MACROD2: variants seen among roughly 807,000 people sequenced by gnomAD.
The protein encoded by MACROD2 is ADP-ribose glycohydrolase MACROD2.
In MACROD2, 36 loss-of-function variants were observed where a neutral mutation model predicts 70.4. That is an observed-to-expected ratio of 0.51 (90% CI 0.39 to 0.68). The LOEUF is 0.68. Ranked by LOEUF, MACROD2 falls within the 30% of genes least tolerant of loss-of-function variation. MACROD2 has a pLI of 0.00. For missense variants in MACROD2, 496 were observed against 538.4 expected (o/e 0.92, Z 0.78); for synonymous variants, 172 against 178.8 (o/e 0.96, Z 0.30).
chr20:15,200,622 T>G (rs537605732), intron 5 of MACROD2, among the ~76,000 whole-genome samples: 2 of 152,318 alleles, frequency 1.3e-5, no homozygotes, highest in South Asian at 2.1e-4. Flanking sequence ...ACAGTTTATT[T>G]AAACTCCGTG....
chr20:14,282,622 G>A (rs1011831323), intron 3 of MACROD2, among the ~76,000 whole-genome samples: 1 of 152,188 alleles, frequency 6.6e-6, no homozygotes, highest in African/African-American at 2.4e-5. Context: ...AATAAAAGAG[G>A]TTTAATTGGC....
At chr20:15,686,742 G>A (rs994487607) in intron 8 of MACROD2, among the ~76,000 whole-genome samples, 4 of 151,786 alleles carry the variant, frequency 2.6e-5, no homozygotes, top group East Asian at 3.9e-4. Context: ...GCGTGGTGGC[G>A]CACGCCTATA....
At chr20:15,325,832 C>T (rs1299379236) in intron 6 of MACROD2, among the ~76,000 whole-genome samples, 3 of 152,170 alleles carry the variant, frequency 2.0e-5, no homozygotes, top group African/African-American at 7.2e-5. Context: ...ACCAGTCATA[C>T]AAGAGCTGCT....
intron 4 of MACROD2, among the ~76,000 whole-genome samples, chr20:14,603,138 C>T (rs1283019697): frequency 6.6e-6 from 1 of 152,072 alleles, no homozygotes; most frequent in African/African-American, 2.4e-5. Context: ...TAAAGTGTTA[C>T]TTTGTTTTTC....
chr20:14,929,429 G>A (rs989246007), intron 5 of MACROD2: 5 of 152,358 alleles, frequency 3.3e-5, no homozygotes, highest in African/African-American at 9.6e-5. Flanking sequence ...TGAAAGAACG[G>A]GGTATGTGGG....
At chr20:14,861,144 A>G (rs1051108406) in intron 5 of MACROD2, among the ~76,000 whole-genome samples, 1 of 152,160 alleles carries the variant, frequency 6.6e-6, no homozygotes, top group African/African-American at 2.4e-5. Context: ...AAGTGTGGGC[A>G]GCATTGAGGG....
intron 8 of MACROD2, among the ~76,000 whole-genome samples, chr20:15,734,461 A>G (rs1057114469): frequency 1.3e-5 from 2 of 152,144 alleles, no homozygotes; most frequent in Non-Finnish European, 2.9e-5. Flanking sequence ...AGTTTCCTCT[A>G]TTTTCCCTTG....
rs984952178 is a variant in MACROD2, at chr20:15,113,503, A to T, written c.419-116437A>T. On this transcript the variant is annotated intron_variant, in intron 5 of 17. Coordinates refer to ENST00000684519, the MANE Select transcript of MACROD2 (RefSeq NM_001351661.2). ...TCAGTGTTTTTGAGGCGTCAAAACA[A>T]ATGACATAATGTCAGTATTTAGAAA... 3.5e-4 allele frequency among the ~76,000 whole-genome samples: 54 copies of T among 152,214 alleles called. 3 individuals are homozygous for T. Among genetic ancestry groups the T allele is most frequent in the Non-Finnish European group, 1.0e-4 (7 of 68,040 alleles).
chr20:15,679,931 A>G (rs1400420749), intron 8 of MACROD2, among the ~76,000 whole-genome samples: 5 of 152,242 alleles, frequency 3.3e-5, no homozygotes, highest in Non-Finnish European at 7.3e-5. Flanking sequence ...TTTATTAAGC[A>G]GATATTGACA....
chr20:15,604,949 C>G (rs985961694), intron 8 of MACROD2, among the ~76,000 whole-genome samples: 36 of 152,148 alleles, frequency 2.4e-4, no homozygotes, highest in African/African-American at 7.2e-4. Flanking sequence ...AATTTCTCAC[C>G]CAAATCTGGC....
At chr20:14,322,202 T>TATATATATATATATATATA (rs1568553958) in intron 3 of MACROD2, among the ~76,000 whole-genome samples, 4 of 53,742 alleles carry the variant, frequency 7.4e-5, no homozygotes, top group East Asian at 3.8e-4. Context: ...ATATATATAT[T>TATATATATATATATATATA]TTGTATTTTG....
chr20:15,588,342 G>A (rs1294342796), intron 8 of MACROD2, among the ~76,000 whole-genome samples: 2 of 152,148 alleles, frequency 1.3e-5, no homozygotes, highest in Non-Finnish European at 2.9e-5. Context: ...CCGGGCCTCT[G>A]AGCCTGTGAT....
At chr20:14,257,409 A>G (rs2082066407) in intron 3 of MACROD2, among the ~76,000 whole-genome samples, 1 of 152,110 alleles carries the variant, frequency 6.6e-6, no homozygotes, top group Non-Finnish European at 1.5e-5. Flanking sequence ...TTCATTTTAA[A>G]CCTAAAAGTG....
chr20:15,100,253 T>C (rs1000270676), intron 5 of MACROD2, among the ~76,000 whole-genome samples: 7 of 152,116 alleles, frequency 4.6e-5, no homozygotes, highest in African/African-American at 1.7e-4. Flanking sequence ...ATGGTTCACC[T>C]GATTTTTTTT....
intron 2 of MACROD2, among the ~76,000 whole-genome samples, chr20:14,054,821 AGAGAT>A (rs1449377875): frequency 1.3e-5 from 2 of 152,190 alleles, no homozygotes; most frequent in African/African-American, 4.8e-5. Context: ...TGAAGTACTC[AGAGAT>A]GAGAACATGC....
chr20:15,374,670 G>A (rs2045538989), intron 6 of MACROD2, among the ~76,000 whole-genome samples: 1 of 152,120 alleles, frequency 6.6e-6, no homozygotes, highest in South Asian at 2.1e-4. Context: ...CTATTCCTGA[G>A]CAAGAAAGAG....
chr20:14,149,578 C>G (rs1316942709), intron 3 of MACROD2, among the ~76,000 whole-genome samples: 1 of 152,152 alleles, frequency 6.6e-6, no homozygotes, highest in Non-Finnish European at 1.5e-5. Context: ...TCCCCAGTGG[C>G]TGAACTAATT....
intron 6 of MACROD2, among the ~76,000 whole-genome samples, chr20:15,377,645 T>G (rs1212125988): frequency 6.6e-6 from 1 of 152,240 alleles, no homozygotes; most frequent in African/African-American, 2.4e-5. Flanking sequence ...TACAGTACTT[T>G]GTCCTCCTGG....
chr20:15,366,595 C>A (rs1429087521), intron 6 of MACROD2, among the ~76,000 whole-genome samples: 2 of 152,124 alleles, frequency 1.3e-5, no homozygotes, highest in Non-Finnish European at 2.9e-5. Context: ...GTTGCCCAGG[C>A]TGGGGAGTAT....
Sources: gnomAD v4.1 joint callset for allele counts (sites outside exome capture counted in the v4.1 genomes callset) on GRCh38, gnomAD v4.1.1 for gene constraint, MANE v1.5 for transcripts, NCBI Gene and HGNC (gene_info 2026-07-23, HGNC 2026-07-21) for gene names.